EIF3H: variants seen among roughly 807,000 people sequenced by gnomAD.
EIF3H encodes the protein eukaryotic translation initiation factor 3 subunit H, also known as eIF-3-gamma.
Under a neutral mutation model 44.2 loss-of-function variants are expected in EIF3H, and 26 were observed. The observed-to-expected ratio is 0.59, with a 90% CI of 0.43 to 0.82. EIF3H has a LOEUF of 0.82. Ranked by LOEUF, EIF3H falls within the 40% of genes least tolerant of loss-of-function variation. EIF3H has a pLI of 0.00. For missense variants in EIF3H, 359 were observed against 432.8 expected (o/e 0.83, Z 1.51); for synonymous variants, 166 against 151.9 (o/e 1.09, Z -0.68).
intron 2 of EIF3H, among the ~76,000 whole-genome samples, chr8:116,717,211 C>T (rs924734905): frequency 7.9e-5 from 12 of 151,978 alleles, no homozygotes; most frequent in South Asian, 2.1e-4. Context: ...AAAACCTCTA[C>T]GAGGAAAACT....
At chr8:116,734,637 C>G (rs1815003529) in intron 1 of EIF3H, among the ~76,000 whole-genome samples, 3 of 152,188 alleles carry the variant, frequency 2.0e-5, no homozygotes, top group African/African-American at 7.2e-5. Context: ...CTCACTGCAA[C>G]CTCTGCCTCC....
intron 2 of EIF3H, among the ~76,000 whole-genome samples, chr8:116,663,520 A>T (rs1402452364): frequency 1.3e-5 from 2 of 152,242 alleles, no homozygotes; most frequent in Non-Finnish European, 2.9e-5. Flanking sequence ...GAACTATTTT[A>T]AAATTCATAA....
upstream of EIF3H, among the ~76,000 whole-genome samples, chr8:116,759,339 G>A (rs1815491401): frequency 6.6e-6 from 1 of 152,204 alleles, no homozygotes; most frequent in Non-Finnish European, 1.5e-5. Flanking sequence ...CCTGGGGACA[G>A]GAAGCAGAGG....
intron 2 of EIF3H, among the ~76,000 whole-genome samples, chr8:116,691,740 T>C (rs550698796): frequency 2.0e-5 from 3 of 152,068 alleles, no homozygotes; most frequent in East Asian, 3.9e-4. Context: ...CTGGGTGTAG[T>C]TGTGCACGCT....
chr8:116,756,284 CTTAGA>C (rs941165681), upstream of EIF3H, among the ~76,000 whole-genome samples: 4 of 152,176 alleles, frequency 2.6e-5, no homozygotes, highest in Non-Finnish European at 5.9e-5. Context: ...CTTGTAACCA[CTTAGA>C]TTATATAGAA....
chr8:116,689,931 T>C (rs1563643449), intron 2 of EIF3H, among the ~76,000 whole-genome samples: 1 of 152,194 alleles, frequency 6.6e-6, no homozygotes, highest in Non-Finnish European at 1.5e-5. Context: ...TGCAAGAGGT[T>C]TGAGAGCTGG....
chr8:116,764,175 G>GA (rs1815545256), intron 1 of EIF3H, among the ~76,000 whole-genome samples: 2 of 152,078 alleles, frequency 1.3e-5, no homozygotes, highest in Non-Finnish European at 2.9e-5. Flanking sequence ...ACTGACCTGA[G>GA]AAAAAAGCTA....
chr8:116,664,043 G>C (rs940488309), intron 2 of EIF3H, among the ~76,000 whole-genome samples: 2 of 152,162 alleles, frequency 1.3e-5, no homozygotes, highest in South Asian at 4.1e-4. Flanking sequence ...AATTTGGAAG[G>C]ATTATAAAAA....
chr8:116,667,308 G>T (rs913843570), intron 2 of EIF3H, among the ~76,000 whole-genome samples: 13 of 152,122 alleles, frequency 8.5e-5, no homozygotes, highest in African/African-American at 2.9e-4. Flanking sequence ...AAATTTTCAT[G>T]TGGGGCTTCA....
chr8:116,726,746 CAGA>C (rs1814848304), intron 1 of EIF3H, among the ~76,000 whole-genome samples: 2 of 152,248 alleles, frequency 1.3e-5, no homozygotes, highest in African/African-American at 4.8e-5. Flanking sequence ...TTTCCTCAAC[CAGA>C]AGGATTCACT....
chr8:116,657,086 G>T, intron 4 of EIF3H, 129 bp downstream of exon 4: 1 of 746,482 alleles, frequency 1.3e-6, no homozygotes, highest in Non-Finnish European at 2.3e-6. Flanking sequence ...CACTCGGCAT[G>T]CAGAAAACTT....
chr8:116,749,891 G>T (rs1272420502), intron 1 of EIF3H, among the ~76,000 whole-genome samples: 1 of 152,296 alleles, frequency 6.6e-6, no homozygotes, highest in Non-Finnish European at 1.5e-5. Context: ...AGGAAGTGAT[G>T]AAACAGGTCT....
In EIF3H at chr8:116,668,742, C is replaced by T. The variant is rs540224099; in HGVS notation, c.290-9762G>A. Among the ~76,000 whole-genome samples the T allele has an allele frequency of 1.2e-4, 18 of 147,668 alleles. 1 individual carries two copies. The South Asian group carries it at 3.6e-3, about 29-fold the overall frequency. On this transcript the variant is annotated intron_variant, in intron 2 of 7. Coordinates refer to ENST00000521861, the MANE Select transcript of EIF3H (RefSeq NM_003756.3). The stretch of plus-strand genomic sequence containing the variant: ...TGTGGGGGTCGTAGGGGCTGGGCAG[C>T]GGGGGGTGGGCACAATACTATCTAC...
At position 116,763,044 on chromosome 8, in the gene EIF3H, G is replaced by A. The variant is rs202024236; in HGVS notation, c.-27+2471C>T. Among the ~76,000 whole-genome samples the A allele has an allele frequency of 3.6e-3, 542 of 152,306 alleles. 4 individuals are homozygous for A. Among genetic ancestry groups the A allele is most frequent in the Middle Eastern group, 0.014 (4 of 294 alleles). ...CAGGAGTCTATTCCTACAAAGAAGA[G>A]AAGAGATATTGGGTGAAAATTCATA... On this transcript the variant is annotated intron_variant, in intron 1 of 9. Coordinates refer to the EIF3H transcript ENST00000276682.
intron 2 of EIF3H, among the ~76,000 whole-genome samples, chr8:116,685,335 G>C (rs7836549): frequency 0.85 from 129,659 of 152,188 alleles, 55,416 homozygotes; most frequent in Middle Eastern, 0.89. Flanking sequence ...AAAAGCATAA[G>C]AAAGAACTAG....
At chr8:116,706,419 A>G (rs1157931677) in intron 2 of EIF3H, among the ~76,000 whole-genome samples, 1 of 152,184 alleles carries the variant, frequency 6.6e-6, no homozygotes, top group Non-Finnish European at 1.5e-5. Context: ...GTGTCAGCTG[A>G]GCATATCTCC....
chr8:116,742,708 T>C (rs1177830944), intron 1 of EIF3H, among the ~76,000 whole-genome samples: 1 of 152,228 alleles, frequency 6.6e-6, no homozygotes. Context: ...TTATAATTTG[T>C]TTCTGCCTCC....
chr8:116,744,469 G>T (rs1388498935), intron 1 of EIF3H, among the ~76,000 whole-genome samples: 1 of 152,140 alleles, frequency 6.6e-6, no homozygotes, highest in East Asian at 1.9e-4. Flanking sequence ...ACATTAACAA[G>T]AATATGGCAT....
chr8:116,743,116 C>A (rs1317615506), intron 1 of EIF3H, among the ~76,000 whole-genome samples: 1 of 152,100 alleles, frequency 6.6e-6, no homozygotes, highest in Non-Finnish European at 1.5e-5. Flanking sequence ...CACTTGAAAA[C>A]ACCATCTACA....
Sources: allele counts gnomAD v4.1 joint callset (sites outside exome capture counted in the v4.1 genomes callset), GRCh38; gene constraint gnomAD v4.1.1; transcripts MANE v1.5; gene names NCBI Gene and HGNC (gene_info 2026-07-23, HGNC 2026-07-21).